The following CDC42SE2 variants were observed in gnomAD, a reference collection of about 807,000 sequenced individuals.
The protein encoded by CDC42SE2 is CDC42 small effector protein 2.
A neutral mutation model predicts 11.5 loss-of-function variants in CDC42SE2; 3 were observed. That is an observed-to-expected ratio of 0.26 (90% CI 0.12 to 0.67). The LOEUF (loss-of-function observed/expected upper bound fraction) is 0.67, where lower values mean the gene tolerates loss of function less well. Among genes scored for constraint, CDC42SE2 ranks in the 30% least tolerant of loss-of-function variants. The pLI, the probability that CDC42SE2 is intolerant of heterozygous loss-of-function variation, is 0.80. For missense variants in CDC42SE2, 82 were observed against 106.8 expected, an observed-to-expected ratio of 0.77 and a Z score of 1.02; for synonymous variants, 33 against 34.8, an observed-to-expected ratio of 0.95 and a Z score of 0.18.
At position 131,392,828 on chromosome 5, in the gene CDC42SE2, T is replaced by TACTA. The variant is rs541037390; in HGVS notation, c.*1741_*1744dup. On this transcript the variant is annotated 3_prime_UTR_variant, in exon 5 of 5. Transcript: ENST00000505065. ...AGTTTCTTGAACTTCTGGCCTGTACTACTAACTGCAGACCTCCAGAGTCAC... is the reference window on the plus strand; with the variant it reads ...AGTTTCTTGAACTTCTGGCCTGTACTACTAACTAACTGCAGACCTCCAGAGTCAC... 39 of 152,512 alleles carry TACTA rather than the reference T, an allele frequency of 2.6e-4. No individual in the cohort carries two copies. The highest frequency in any genetic ancestry group is 5.8e-4 in the African/African-American group (24 of 41,584). 9.4% of individuals were successfully genotyped at this position (152,512 alleles called of 1,614,324 possible).
At chr5:131,367,740 T>C (rs764477307) in intron 3 of CDC42SE2, among the ~76,000 whole-genome samples, 2 of 152,220 alleles carry the variant, frequency 1.3e-5, no homozygotes, top group Non-Finnish European at 2.9e-5. Context: ...TTGTTGGTTA[T>C]GTGTGATTTA....
At chr5:131,357,390 G>A (rs1749583313) in intron 2 of CDC42SE2, among the ~76,000 whole-genome samples, 2 of 152,192 alleles carry the variant, frequency 1.3e-5, no homozygotes, top group African/African-American at 2.4e-5. Context: ...CTGAGGGTGT[G>A]TGCCTTAACT....
At position 131,279,459 on chromosome 5, in the gene CDC42SE2, C is replaced by T. The variant is rs1179889365; in HGVS notation, c.-455+15293C>T. ...TAGCATTTTCTCAGCCCTCCCCCCC[C>T]CCCTTTCAGAATAATTTACATAAAT... On this transcript the variant is annotated intron_variant, in intron 1 of 4. Coordinates refer to ENST00000505065, the MANE Select transcript of CDC42SE2 (RefSeq NM_001375635.1). Among the ~76,000 whole-genome samples the T allele has an allele frequency of 1.2e-4, 17 of 145,080 alleles. No homozygotes were observed. In the East Asian group the frequency reaches 3.3e-3, roughly 28 times the overall value.
In CDC42SE2 at chr5:131,350,487, TTTC is replaced by T. The variant is rs1332769729; in HGVS notation, c.-285-8719_-285-8717del. 4.7e-4 allele frequency among the ~76,000 whole-genome samples: 71 copies of T among 152,086 alleles called. 1 individual carries two copies. The highest frequency in any genetic ancestry group is 1.0e-4 in the Non-Finnish European group (7 of 67,992). ...TTCATAATCCTGAGATAAAGAAATGTTTCTTAAGTAAGATAAAACCACTAATCT... is the reference window on the plus strand; with the variant it reads ...TTCATAATCCTGAGATAAAGAAATGTTTAAGTAAGATAAAACCACTAATCT... On this transcript the variant is annotated intron_variant, in intron 2 of 4. Transcript: ENST00000505065.
At chr5:131,385,733 T>C in intron 4 of CDC42SE2, 89 bp downstream of exon 4, 3 of 715,464 alleles carry the variant, frequency 4.2e-6, no homozygotes, top group Admixed American at 2.4e-5. Flanking sequence ...TTAATAGCAT[T>C]ATGCTAAATG....
rs540667330 is a variant in CDC42SE2 at position 131,371,994 on chromosome 5, A to T, written c.54+12447A>T. 4.6e-5 allele frequency among the ~76,000 whole-genome samples: 7 copies of T among 152,096 alleles called. No individual in the cohort carries two copies. The East Asian group carries it at 1.4e-3, about 29-fold the overall frequency. ...TTTAATTTATTCGTTTCCCCCCCTT[A>T]TTCCCCATCACTGTTTGTTTTGTTT... On this transcript the variant is annotated intron_variant, in intron 3 of 4. Coordinates refer to ENST00000505065, the MANE Select transcript of CDC42SE2 (RefSeq NM_001375635.1).
chr5:131,272,747 A>G (rs1757019900), intron 1 of CDC42SE2, among the ~76,000 whole-genome samples: 2 of 152,198 alleles, frequency 1.3e-5, no homozygotes. Flanking sequence ...CCAAAAAGGT[A>G]AATATTTGTT....
chr5:131,294,230 A>G (rs1027451607), intron 1 of CDC42SE2, among the ~76,000 whole-genome samples: 1 of 152,174 alleles, frequency 6.6e-6, no homozygotes, highest in African/African-American at 2.4e-5. Context: ...AGTATATCCA[A>G]TCTGATATAC....
At position 131,391,209 on chromosome 5, in the gene CDC42SE2, A is replaced by G. The variant is rs1009160750; in HGVS notation, c.*118A>G. Reference sequence around the variant, plus strand: ...TATATAATTTTTTAATGGTGAACTTATTGGGAAAGGCAAAATTACTCAGCT... The same window carrying G: ...TATATAATTTTTTAATGGTGAACTTGTTGGGAAAGGCAAAATTACTCAGCT... On this transcript the variant is annotated 3_prime_UTR_variant, in exon 5 of 5. Coordinates refer to ENST00000505065, the MANE Select transcript of CDC42SE2 (RefSeq NM_001375635.1). 3.4e-5 allele frequency: 13 copies of G among 380,276 alleles called. No homozygotes were observed. Among genetic ancestry groups the G allele is most frequent in the African/African-American group, 2.8e-4 (13 of 46,890 alleles). 23.6% of individuals were successfully genotyped at this position (380,276 alleles called of 1,614,324 possible). A position where few individuals can be genotyped will look rare whatever the true frequency, so the allele number is the denominator to read the frequency against.
intron 2 of CDC42SE2, among the ~76,000 whole-genome samples, chr5:131,333,121 A>G (rs909746207): frequency 7.9e-5 from 12 of 152,148 alleles, no homozygotes; most frequent in Non-Finnish European, 1.6e-4. Flanking sequence ...TAAGTCTTTA[A>G]TCCATCTTGA....
At chr5:131,240,058 G>T in the CDC42SE2 span, among the ~76,000 whole-genome samples, 11 of 152,120 alleles carry the variant, frequency 7.2e-5, no homozygotes, top group African/African-American at 2.7e-4. Flanking sequence ...ATCTATCTTA[G>T]TATCAGTTCA....
chr5:131,385,637 T>C lies in CDC42SE2; in HGVS notation c.149T>C (p.Met50Thr). The C allele has an allele frequency of 1.9e-6, 3 of 1,606,156 alleles. No homozygotes were observed. Among genetic ancestry groups the C allele is most frequent in the Non-Finnish European group, 2.6e-6 (3 of 1,173,054 alleles). The change falls in exon 4 of 5, where the codon ATG becomes ACG. Residue 50 changes from methionine (M) to threonine (T), a missense_variant. Physicochemically the swap from Met to Thr is moderately conservative, Grantham distance 81 (BLOSUM62 -1). Coordinates refer to ENST00000505065, the MANE Select transcript of CDC42SE2 (RefSeq NM_001375635.1). Reference sequence around the variant, plus strand: ...GGATCAGGAGACCTGTTCAGTGGAATGAATTCAGTAAGTATGTTGGTGGGA... The same window carrying C: ...GGATCAGGAGACCTGTTCAGTGGAACGAATTCAGTAAGTATGTTGGTGGGA... Reference protein sequence around the residue: ...HVGSGDLFSGMNSVSSIQNQM... With the variant: ...HVGSGDLFSGTNSVSSIQNQM...
At chr5:131,276,160 A>G (rs1384011010) in intron 1 of CDC42SE2, among the ~76,000 whole-genome samples, 4 of 151,196 alleles carry the variant, frequency 2.6e-5, no homozygotes, top group African/African-American at 4.9e-5. Flanking sequence ...TAAGAAAAAA[A>G]TCTTGGCCAG....
intron 2 of CDC42SE2, chr5:131,255,567 C>G (rs1366983337): frequency 1.3e-5 from 2 of 152,190 alleles, no homozygotes; most frequent in Admixed American, 6.5e-5. Context: ...CAAGAGCAGC[C>G]TGGCCAACAT....
At chr5:131,253,141 C>G (rs1484346734) in intron 1 of CDC42SE2, 1 of 152,072 alleles carries the variant, frequency 6.6e-6, no homozygotes, top group Non-Finnish European at 1.5e-5. Context: ...TAAGGCTGGT[C>G]TGAGAGCAAG....
At chr5:131,275,312 T>C (rs1466183476) in intron 1 of CDC42SE2, among the ~76,000 whole-genome samples, 3 of 152,016 alleles carry the variant, frequency 2.0e-5, no homozygotes, top group Admixed American at 2.0e-4. Flanking sequence ...TTTTTTTTTT[T>C]TTGAGACTGA....
intron 3 of CDC42SE2, among the ~76,000 whole-genome samples, chr5:131,361,488 T>A (rs1749706606): frequency 6.6e-6 from 1 of 152,218 alleles, no homozygotes; most frequent in South Asian, 2.1e-4. Context: ...TGTGGGGTTC[T>A]GACCCCACGA....
At chr5:131,299,416 A>T (rs891768962) in intron 1 of CDC42SE2, among the ~76,000 whole-genome samples, 5 of 152,134 alleles carry the variant, frequency 3.3e-5, no homozygotes, top group Admixed American at 3.3e-4. Context: ...CAAATAGAAC[A>T]TGGCCGTTTG....
intron 2 of CDC42SE2, among the ~76,000 whole-genome samples, chr5:131,330,383 G>GT (rs376286415): frequency 4.6e-5 from 7 of 151,462 alleles, no homozygotes; most frequent in East Asian, 1.9e-4. Context: ...GGTTATTAGA[G>GT]TTTTTTTTTC....
Sources: allele counts gnomAD v4.1 joint callset (sites outside exome capture counted in the v4.1 genomes callset), GRCh38; gene constraint gnomAD v4.1.1; transcripts MANE v1.5; gene names NCBI Gene and HGNC (gene_info 2026-07-23, HGNC 2026-07-21).